SPATA6: variants seen among roughly 807,000 people sequenced by gnomAD.
SPATA6 encodes the protein spermatogenesis-associated protein 6.
Under a neutral mutation model 65.3 loss-of-function variants are expected in SPATA6, and 56 were observed. The observed-to-expected ratio is 0.86, with a 90% CI of 0.69 to 1.07. The LOEUF (loss-of-function observed/expected upper bound fraction) is 1.07, where lower values mean the gene tolerates loss of function less well. Among genes scored for constraint, SPATA6 ranks in the 50% least tolerant of loss-of-function variants. The probability of loss-of-function intolerance (pLI) is 0.00; values close to 1 mark genes in which losing one functional copy is unlikely to be tolerated. For missense variants in SPATA6, 590 were observed against 594.8 expected (o/e 0.99, Z 0.08); for synonymous variants, 199 against 213.2 (o/e 0.93, Z 0.58).
At chr1:48,422,059 T>C (rs2148022055) in intron 3 of SPATA6, among the ~76,000 whole-genome samples, 1 of 152,148 alleles carries the variant, frequency 6.6e-6, no homozygotes, top group Admixed American at 6.5e-5. Context: ...ATCAGTCCAA[T>C]ACAGATTTGG....
intron 3 of SPATA6, among the ~76,000 whole-genome samples, chr1:48,427,420 T>C (rs1433822298): frequency 8.2e-6 from 1 of 121,944 alleles, no homozygotes; most frequent in Non-Finnish European, 1.7e-5. Flanking sequence ...AGTTCCTAAT[T>C]AAGAAAATTG....
chr1:48,365,050 T>C (rs533415041), intron 9 of SPATA6, among the ~76,000 whole-genome samples: 26 of 152,322 alleles, frequency 1.7e-4, no homozygotes, highest in African/African-American at 6.0e-4. Context: ...CTTTATTAAA[T>C]AGGGAATCCT....
chr1:48,357,392 T>C (rs1646690275), intron 10 of SPATA6, among the ~76,000 whole-genome samples: 1 of 152,126 alleles, frequency 6.6e-6, no homozygotes, highest in Non-Finnish European at 1.5e-5. Flanking sequence ...ACCTTCACTA[T>C]AAATAAAGCA....
At chr1:48,392,897 T>C (rs1020320014) in intron 8 of SPATA6, among the ~76,000 whole-genome samples, 27 of 151,790 alleles carry the variant, frequency 1.8e-4, no homozygotes, top group African/African-American at 6.3e-4. Context: ...TACTGCTCAG[T>C]TGTCAGCCAG....
the SPATA6 span, among the ~76,000 whole-genome samples, chr1:48,276,704 T>G: frequency 2.6e-5 from 4 of 152,256 alleles, no homozygotes; most frequent in Non-Finnish European, 4.4e-5. Flanking sequence ...AGAATGTTTC[T>G]TATTTTTCCA....
chr1:48,275,226 A>G, the SPATA6 span, among the ~76,000 whole-genome samples: 1 of 152,220 alleles, frequency 6.6e-6, no homozygotes, highest in African/African-American at 2.4e-5. Flanking sequence ...TTATCAGCTT[A>G]AGGAAATTTT....
At chr1:48,338,464 G>C (rs1646121104) in intron 11 of SPATA6, among the ~76,000 whole-genome samples, 1 of 152,080 alleles carries the variant, frequency 6.6e-6, no homozygotes, top group African/African-American at 2.4e-5. Flanking sequence ...ATACTTAAGA[G>C]ATAAGGATCT....
chr1:48,283,695 A>AT, the SPATA6 span, among the ~76,000 whole-genome samples: 1 of 135,016 alleles, frequency 7.4e-6, no homozygotes, highest in African/African-American at 3.2e-5. Flanking sequence ...AAAAAAAAAA[A>AT]AAAAAGAAAG....
At position 48,305,806 on chromosome 1, in the gene SPATA6, C is replaced by T. The variant is rs1483945185; in HGVS notation, c.1267G>A (p.Asp423Asn). The change falls in exon 12 of 13, where the codon GAC (aspartate) becomes AAC (asparagine). Residue 423 changes from aspartate (D) to asparagine (N), a missense_variant. Transcript: ENST00000371847. ...TCATACCTATACTCGGGGTCACTGT[C>T]ATAGGCAGAGTCTCTACATAAAAGA... ...RSLLCRDSAY[D>N]SDPEYSSCQQ... 6 of 1,611,882 alleles carry T rather than the reference C, an allele frequency of 3.7e-6. No homozygotes were observed. The South Asian group carries it at 4.4e-5, about 12-fold the overall frequency.
rs1644863359 is a variant in SPATA6 at position 48,298,873 on chromosome 1, C to T, written c.1307G>A (p.Gly436Asp). 2.5e-6 allele frequency: 4 copies of T among 1,612,750 alleles called. No individual in the cohort carries two copies. Among genetic ancestry groups the T allele is most frequent in the Non-Finnish European group, 3.4e-6 (4 of 1,179,590 alleles). The change falls in exon 13 of 13, where the codon GGC becomes GAC. Residue 436 changes from glycine (G) to aspartate (D), a missense_variant. Gly to Asp is a moderately conservative substitution (Grantham distance 94, BLOSUM62 -1). Coordinates refer to ENST00000371847, the MANE Select transcript of SPATA6 (RefSeq NM_019073.4). The part of the protein sequence containing the change: ...PEYSSCQQPR[G>D]TFHLDDGEYW... The stretch of plus-strand genomic sequence containing the variant: ...TTCACCGTCATCCAAATGGAAAGTG[C>T]CACGTGGCTGCTGACATGAGCTATA...
At chr1:48,261,531 T>C in the SPATA6 span, among the ~76,000 whole-genome samples, 2 of 152,116 alleles carry the variant, frequency 1.3e-5, no homozygotes, top group African/African-American at 2.4e-5. Context: ...TTAGATTCTA[T>C]GTAAACATCA....
chr1:48,435,852 T>C lies in SPATA6; in HGVS notation c.238+15700A>G, dbSNP rs966948878. On this transcript the variant is annotated intron_variant, in intron 3 of 12. Coordinates refer to ENST00000371847, the MANE Select transcript of SPATA6 (RefSeq NM_019073.4). ...CCGCTGGCAGCCTGAAGAGAGTCGC[T>C]GGCCATGGTCGCTGCTAGGTAGGAT... 3.0e-4 allele frequency: 340 copies of C among 1,124,078 alleles called. 1 individual carries two copies. Among genetic ancestry groups the C allele is most frequent in the Non-Finnish European group, 4.0e-4 (302 of 755,248 alleles). 69.6% of individuals were successfully genotyped at this position (1,124,078 alleles called of 1,614,324 possible).
chr1:48,275,098 G>A, the SPATA6 span, among the ~76,000 whole-genome samples: 1 of 152,104 alleles, frequency 6.6e-6, no homozygotes, highest in African/African-American at 2.4e-5. Context: ...TCTCTTTGTA[G>A]CAATTGTGAA....
chr1:48,299,262 C>G (rs1261242954), intron 12 of SPATA6, among the ~76,000 whole-genome samples: 1 of 151,842 alleles, frequency 6.6e-6, no homozygotes, highest in Non-Finnish European at 1.5e-5. Context: ...GCCTATAATC[C>G]CAGCACTTTG....
At chr1:48,458,091 C>A (rs1468977676) in intron 1 of SPATA6, among the ~76,000 whole-genome samples, 2 of 148,512 alleles carry the variant, frequency 1.3e-5, no homozygotes, top group Non-Finnish European at 3.0e-5. Flanking sequence ...AAACCCCAGA[C>A]AAGCACTAAG....
chr1:48,328,283 A>G (rs1645821115), intron 11 of SPATA6, among the ~76,000 whole-genome samples: 1 of 152,188 alleles, frequency 6.6e-6, no homozygotes, highest in Admixed American at 6.5e-5. Flanking sequence ...TGGTCAAAAT[A>G]GATTTATCGC....
downstream of SPATA6, among the ~76,000 whole-genome samples, chr1:48,293,237 C>T (rs1644779974): frequency 6.6e-6 from 1 of 152,184 alleles, no homozygotes; most frequent in African/African-American, 2.4e-5. Context: ...AGAGGCTGGA[C>T]ACTCACCCTG....
chr1:48,389,726 G>T (rs550486246), intron 8 of SPATA6, among the ~76,000 whole-genome samples: 1 of 152,158 alleles, frequency 6.6e-6, no homozygotes, highest in African/African-American at 2.4e-5. Context: ...TATTTCCCAG[G>T]TAAGTAAAAG....
At chr1:48,364,002 C>A (rs1646909626) in intron 9 of SPATA6, among the ~76,000 whole-genome samples, 1 of 151,812 alleles carries the variant, frequency 6.6e-6, no homozygotes, top group Admixed American at 6.6e-5. Context: ...CTTCCTGTGT[C>A]CATGTGCTCT....
Sources: gnomAD v4.1 joint callset for allele counts (sites outside exome capture counted in the v4.1 genomes callset) on GRCh38, gnomAD v4.1.1 for gene constraint, MANE v1.5 for transcripts, NCBI Gene and HGNC (gene_info 2026-07-23, HGNC 2026-07-21) for gene names.